CPEB1: variants seen among roughly 807,000 people sequenced by gnomAD.
CPEB1 encodes cytoplasmic polyadenylation element-binding protein 1.
A neutral mutation model predicts 65.8 loss-of-function variants in CPEB1; 7 were observed. The ratio of observed to expected loss-of-function variants is 0.11; its 90% CI spans 0.06 to 0.20. The LOEUF is 0.20. Among genes scored for constraint, CPEB1 ranks in the 10% least tolerant of loss-of-function variants. CPEB1 has a pLI of 1.00. For missense variants in CPEB1, 551 were observed against 712.2 expected (o/e 0.77, Z 2.58); for synonymous variants, 262 against 260.0 (o/e 1.01, Z -0.08).
chr15:82,628,301 A>T (rs1486644364), intron 2 of CPEB1, 63 bp downstream of exon 2: 1 of 702,458 alleles, frequency 1.4e-6, no homozygotes, highest in Non-Finnish European at 2.6e-6. Flanking sequence ...GATATGACAA[A>T]AAAAGGTTGG....
At chr15:82,635,686 GAAT>G (rs906960160) in intron 1 of CPEB1, among the ~76,000 whole-genome samples, 1 of 150,332 alleles carries the variant, frequency 6.7e-6, no homozygotes, top group African/African-American at 2.5e-5. Flanking sequence ...GCCCTCAGGA[GAAT>G]TATTCAGGTA....
At chr15:82,639,414 T>C (rs552603753) in intron 1 of CPEB1, among the ~76,000 whole-genome samples, 40 of 152,274 alleles carry the variant, frequency 2.6e-4, no homozygotes, top group African/African-American at 7.7e-4. Flanking sequence ...CAGGCTTCTG[T>C]TGTTACCAGT....
chr15:82,620,448 A>T, intron 3 of CPEB1, among the ~76,000 whole-genome samples: 1 of 151,678 alleles, frequency 6.6e-6, no homozygotes, highest in Non-Finnish European at 1.5e-5. Flanking sequence ...AAGTGTACAT[A>T]TCTGTGATTC....
Position 82,552,450 on chromosome 15 carries a change from C to T in CPEB1, c.1281+30G>A, listed in dbSNP as rs141131250. On this transcript the variant is annotated intron_variant, in intron 9 of 12. Transcript: ENST00000684509. ...CAGTGCCTCAATATTCCAAGACCCTCGATCCAGAAAGGACATCACGCTAAC... is the reference window on the plus strand; with the variant it reads ...CAGTGCCTCAATATTCCAAGACCCTTGATCCAGAAAGGACATCACGCTAAC... The T allele has an allele frequency of 1.1e-4, 161 of 1,517,050 alleles. No homozygotes were observed. In the African/African-American group the frequency reaches 2.1e-3, roughly 20 times the overall value. The allele number at this position is 1,517,050 out of a possible 1,614,324, so 94.0% of individuals were successfully genotyped here. A position where few individuals can be genotyped will look rare whatever the true frequency, so the allele number is the denominator to read the frequency against.
intron 9 of CPEB1, 22 bp downstream of exon 9, chr15:82,552,458 A>G (rs761514791): frequency 1.3e-6 from 2 of 1,529,658 alleles, no homozygotes; most frequent in Non-Finnish European, 1.7e-6. Flanking sequence ...CTCGATCCAG[A>G]AAGGACATCA....
chr15:82,648,768 G>A (rs2047768696), upstream of CPEB1: 1 of 152,340 alleles, frequency 6.6e-6, no homozygotes, highest in Non-Finnish European at 1.5e-5. Context: ...CAGGACTGAG[G>A]ATGATGCGAC....
At chr15:82,566,482 T>A (rs2039142519) in intron 4 of CPEB1, among the ~76,000 whole-genome samples, 1 of 152,152 alleles carries the variant, frequency 6.6e-6, no homozygotes, top group African/African-American at 2.4e-5. Context: ...CAGACCACTC[T>A]GCCTGTGACC....
At chr15:82,606,293 C>G (rs1315017716) in intron 3 of CPEB1, among the ~76,000 whole-genome samples, 1 of 151,254 alleles carries the variant, frequency 6.6e-6, no homozygotes, top group Non-Finnish European at 1.5e-5. Context: ...CATGGCGAAA[C>G]CTTGTCTCTA....
intron 6 of CPEB1, 119 bp from the exon 7 acceptor site, chr15:82,554,110 C>G: frequency 1.7e-6 from 1 of 586,976 alleles, no homozygotes; most frequent in Non-Finnish European, 3.0e-6. Context: ...GCCCAGATGC[C>G]TGAGAGAATA....
chr15:82,609,836 G>C (rs1596101308), intron 3 of CPEB1, among the ~76,000 whole-genome samples: 1 of 151,982 alleles, frequency 6.6e-6, no homozygotes, highest in East Asian at 1.9e-4. Flanking sequence ...TGAAGTGGGT[G>C]GATCACCTGA....
chr15:82,577,869 G>A (rs937493651), intron 3 of CPEB1, among the ~76,000 whole-genome samples: 1 of 152,020 alleles, frequency 6.6e-6, no homozygotes, highest in Non-Finnish European at 1.5e-5. Flanking sequence ...GGCCAGGCAC[G>A]GTGGCTCACG....
chr15:82,558,222 C>T (rs2037567442), intron 4 of CPEB1, among the ~76,000 whole-genome samples: 1 of 152,210 alleles, frequency 6.6e-6, no homozygotes, highest in South Asian at 2.1e-4. Flanking sequence ...GTTACAATAG[C>T]AGCAAAACTG....
At chr15:82,591,877 C>A (rs964139853) in intron 3 of CPEB1, among the ~76,000 whole-genome samples, 3 of 140,062 alleles carry the variant, frequency 2.1e-5, no homozygotes, top group Non-Finnish European at 3.0e-5. Flanking sequence ...GGGTCTTAAT[C>A]TGTCACCCAG....
intron 1 of CPEB1, chr15:82,638,668 A>G (rs1405395403): frequency 6.6e-6 from 1 of 152,216 alleles, no homozygotes; most frequent in African/African-American, 2.4e-5. Flanking sequence ...CAAAGGAAAA[A>G]AAGAGGCTTA....
chr15:82,622,717 C>T lies in CPEB1; in HGVS notation c.271+4476G>A, dbSNP rs1454108642. 2.6e-5 allele frequency among the ~76,000 whole-genome samples: 4 copies of T among 152,276 alleles called. No homozygotes were observed. In the Middle Eastern group the frequency reaches 0.01, roughly 388 times the overall value. On this transcript the variant is annotated intron_variant, in intron 3 of 12. Coordinates refer to ENST00000684509, the MANE Select transcript of CPEB1 (RefSeq NM_001365242.1). ...GCCCACATCTCTTCTTCATTAATTTCTATTCAGTCAGGGATAGACAGCAAG... is the reference window on the plus strand; with the variant it reads ...GCCCACATCTCTTCTTCATTAATTTTTATTCAGTCAGGGATAGACAGCAAG...
chr15:82,556,000 G>A lies in CPEB1; in HGVS notation c.810C>T (p.Val270=). Residue 270 remains valine, a synonymous_variant, in exon 6 of 13, where the codon GTC becomes GTT. Coordinates refer to ENST00000684509, the MANE Select transcript of CPEB1 (RefSeq NM_001365242.1). ...TTGAAGCACTGGTTGGGGAGGGAGT[G>A]ACTGCAGCAAGAGCAGCTTGCTCTT... ...MDQEQAALAA[V]TPSPTSASKR... 1 of 1,613,680 alleles carries A rather than the reference G, an allele frequency of 6.2e-7. No homozygotes were observed. Among genetic ancestry groups the A allele is most frequent in the Non-Finnish European group, 8.5e-7 (1 of 1,179,860 alleles).
chr15:82,552,745 C>G lies in CPEB1; in HGVS notation c.1145-129G>C, dbSNP rs969302502. 5.7e-6 allele frequency: 6 copies of G among 1,055,820 alleles called. No homozygotes were observed. In the African/African-American group the frequency reaches 9.6e-5, roughly 17 times the overall value. 65.4% of individuals were successfully genotyped at this position (1,055,820 alleles called of 1,614,324 possible). A position where few individuals can be genotyped will look rare whatever the true frequency, so the allele number is the denominator to read the frequency against. ...TATAAGATACATTTTTGTTTTACTC[C>G]TGAAAAGTCGTGTTGAGTGGAAGCA... On this transcript the variant is annotated intron_variant, in intron 8 of 12. Coordinates refer to ENST00000684509, the MANE Select transcript of CPEB1 (RefSeq NM_001365242.1).
chr15:82,629,834 G>A (rs1567233841), intron 1 of CPEB1: 4 of 985,250 alleles, frequency 4.1e-6, no homozygotes, highest in East Asian at 2.3e-4. Flanking sequence ...ATGACCAAGA[G>A]CATTTACAGT....
intron 1 of CPEB1, chr15:82,640,949 A>G (rs2151382449): frequency 6.6e-6 from 1 of 152,262 alleles, no homozygotes; most frequent in South Asian, 2.1e-4. Flanking sequence ...CCAAATGGAC[A>G]TTTCAAGTAC....
Sources: gnomAD v4.1 joint callset for allele counts (sites outside exome capture counted in the v4.1 genomes callset) on GRCh38, gnomAD v4.1.1 for gene constraint, MANE v1.5 for transcripts, NCBI Gene and HGNC (gene_info 2026-07-23, HGNC 2026-07-21) for gene names.